Variants in PARD3 observed in about 807,000 individuals in gnomAD.
PARD3 encodes partitioning defective 3 homolog.
In PARD3, 75 loss-of-function variants were observed where a neutral mutation model predicts 155.4. That is an observed-to-expected ratio of 0.48 (90% CI 0.40 to 0.58). The LOEUF is 0.58. Among genes scored for constraint, PARD3 ranks in the 20% least tolerant of loss-of-function variants. The probability of loss-of-function intolerance (pLI) is 0.00; values close to 1 mark genes in which losing one functional copy is unlikely to be tolerated. For missense variants in PARD3, 1,642 were observed against 1,721.7 expected (o/e 0.95, Z 0.82); for synonymous variants, 576 against 610.5 (o/e 0.94, Z 0.83).
chr10:34,525,562 G>C (rs2082415826), intron 2 of PARD3, among the ~76,000 whole-genome samples: 1 of 152,162 alleles, frequency 6.6e-6, no homozygotes, highest in Non-Finnish European at 1.5e-5. Flanking sequence ...GGAAACAGGG[G>C]TCAACAGCAT....
chr10:34,291,917 T>G (rs1200482320), intron 20 of PARD3, among the ~76,000 whole-genome samples: 1 of 152,140 alleles, frequency 6.6e-6, no homozygotes, highest in East Asian at 1.9e-4. Context: ...GCATTGCCGG[T>G]GGAAATTAGG....
chr10:34,406,272 A>T (rs1344894449), intron 5 of PARD3, among the ~76,000 whole-genome samples: 1 of 152,250 alleles, frequency 6.6e-6, no homozygotes, highest in Admixed American at 6.5e-5. Context: ...ATGAAAGATA[A>T]AAGAAATTTT....
chr10:34,285,447 T>G (rs1242961046), intron 20 of PARD3, among the ~76,000 whole-genome samples: 1 of 151,766 alleles, frequency 6.6e-6, no homozygotes, highest in African/African-American at 2.4e-5. Flanking sequence ...TGTGGTGGTG[T>G]GCACCTGTAA....
At chr10:34,706,725 C>A (rs1420364040) in intron 1 of PARD3, among the ~76,000 whole-genome samples, 2 of 152,150 alleles carry the variant, frequency 1.3e-5, no homozygotes, top group African/African-American at 4.8e-5. Flanking sequence ...TGTACCACTG[C>A]ACTCCAGCTG....
At chr10:34,814,341 C>T (rs554903877) in intron 1 of PARD3, among the ~76,000 whole-genome samples, 1 of 152,276 alleles carries the variant, frequency 6.6e-6, no homozygotes, top group Non-Finnish European at 1.5e-5. Context: ...GAGGAAAAGC[C>T]CCCCGCCGCT....
intron 2 of PARD3, among the ~76,000 whole-genome samples, chr10:34,624,560 T>C (rs764117230): frequency 1.3e-5 from 2 of 152,188 alleles, no homozygotes; most frequent in African/African-American, 4.8e-5. Flanking sequence ...CAGCGGCTGA[T>C]GTAGCCAGTA....
intron 22 of PARD3, among the ~76,000 whole-genome samples, chr10:34,133,274 C>T (rs2132792991): frequency 6.6e-6 from 1 of 152,250 alleles, no homozygotes; most frequent in African/African-American, 2.4e-5. Context: ...TACCGTGGGG[C>T]TGGAACCCCG....
At chr10:34,699,983 A>G (rs1442214521) in intron 1 of PARD3, among the ~76,000 whole-genome samples, 1 of 152,272 alleles carries the variant, frequency 6.6e-6, no homozygotes, top group African/African-American at 2.4e-5. Context: ...ATGACAGAAC[A>G]TTCAACTAAA....
intron 2 of PARD3, among the ~76,000 whole-genome samples, chr10:34,634,278 C>T (rs187230904): frequency 2.0e-5 from 3 of 152,226 alleles, no homozygotes; most frequent in African/African-American, 4.8e-5. Flanking sequence ...TTTGCTGATG[C>T]GGAAACTTAT....
intron 1 of PARD3, among the ~76,000 whole-genome samples, chr10:34,780,885 T>C (rs186663960): frequency 6.6e-6 from 1 of 152,266 alleles, no homozygotes; most frequent in African/African-American, 2.4e-5. Context: ...ACGCCACACA[T>C]AAAAAGCAGC....
Position 34,746,766 on chromosome 10 carries a change from AATTT to A in PARD3, c.121-50351_121-50348del, listed in dbSNP as rs1233257690. On this transcript the variant is annotated intron_variant, in intron 1 of 24. Coordinates refer to ENST00000374788, the MANE Select transcript of PARD3 (RefSeq NM_001184785.2). ...CCAGGAATCTCCTCTGACAAACAGG[AATTT>A]ATTTGCTTCTACTAATAAATCAATT... 2.6e-5 allele frequency among the ~76,000 whole-genome samples: 4 copies of A among 152,334 alleles called. No homozygotes were observed. The South Asian group carries it at 6.2e-4, about 24-fold the overall frequency.
chr10:34,498,574 C>T (rs1167120975), intron 3 of PARD3, among the ~76,000 whole-genome samples: 6 of 152,176 alleles, frequency 3.9e-5, no homozygotes, highest in East Asian at 1.9e-4. Context: ...GCCAGGAGTT[C>T]GACACCAGCC....
intron 1 of PARD3, among the ~76,000 whole-genome samples, chr10:34,805,249 C>T (rs1225415297): frequency 4.0e-5 from 6 of 151,890 alleles, no homozygotes; most frequent in Non-Finnish European, 8.8e-5. Flanking sequence ...CTCAGCTACT[C>T]GGAAGGCTGA....
At chr10:34,737,501 A>T (rs1016619218) in intron 1 of PARD3, among the ~76,000 whole-genome samples, 5 of 152,210 alleles carry the variant, frequency 3.3e-5, no homozygotes, top group African/African-American at 1.2e-4. Context: ...CACAATGAGC[A>T]TTCTATTTGG....
intron 5 of PARD3, among the ~76,000 whole-genome samples, chr10:34,442,038 G>A (rs2076490268): frequency 1.3e-5 from 2 of 152,184 alleles, no homozygotes; most frequent in Non-Finnish European, 2.9e-5. Context: ...ATTTGGTGTT[G>A]CTAGAGATAA....
chr10:34,681,901 A>G (rs2093849905), intron 2 of PARD3, among the ~76,000 whole-genome samples: 1 of 148,482 alleles, frequency 6.7e-6, no homozygotes, highest in Admixed American at 6.8e-5. Flanking sequence ...GATTATAGGC[A>G]TGAGCTACCA....
chr10:34,115,867 C>G (rs1372583107), intron 24 of PARD3, among the ~76,000 whole-genome samples: 1 of 152,024 alleles, frequency 6.6e-6, no homozygotes, highest in Non-Finnish European at 1.5e-5. Context: ...CGCCCACCAC[C>G]AAGCCTGGCT....
intron 1 of PARD3, among the ~76,000 whole-genome samples, chr10:34,721,171 C>T (rs1184140798): frequency 2.0e-5 from 3 of 152,224 alleles, no homozygotes; most frequent in East Asian, 1.9e-4. Context: ...GAAAATGACT[C>T]GGTTATATAT....
chr10:34,419,648 A>T (rs1846003108), intron 5 of PARD3, among the ~76,000 whole-genome samples: 1 of 152,252 alleles, frequency 6.6e-6, no homozygotes, highest in South Asian at 2.1e-4. Flanking sequence ...GTTACTAGGC[A>T]GTATTTCGCC....
Sources: allele counts gnomAD v4.1 joint callset (sites outside exome capture counted in the v4.1 genomes callset), GRCh38; gene constraint gnomAD v4.1.1; transcripts MANE v1.5; gene names NCBI Gene and HGNC (gene_info 2026-07-23, HGNC 2026-07-21).